PRUNE2: variants seen among roughly 807,000 people sequenced by gnomAD.
The protein encoded by PRUNE2 is protein prune homolog 2.
A neutral mutation model predicts 252.0 loss-of-function variants in PRUNE2; 164 were observed. That is an observed-to-expected ratio of 0.65 (90% CI 0.57 to 0.74). The LOEUF is 0.74. Among genes scored for constraint, PRUNE2 ranks in the 30% least tolerant of loss-of-function variants. PRUNE2 has a pLI of 0.00. For missense variants in PRUNE2, 3,495 were observed against 3,711.0 expected (o/e 0.94, Z 1.51); for synonymous variants, 1,292 against 1,350.2 (o/e 0.96, Z 0.94).
At chr9:76,622,365 C>A (rs572529541) in intron 17 of PRUNE2, among the ~76,000 whole-genome samples, 24 of 151,980 alleles carry the variant, frequency 1.6e-4, no homozygotes, top group Non-Finnish European at 3.2e-4. Flanking sequence ...AATCATTTTA[C>A]TGTGGCAGCT....
intron 9 of PRUNE2, among the ~76,000 whole-genome samples, chr9:76,666,801 C>A (rs1391727030): frequency 1.3e-5 from 2 of 152,182 alleles, no homozygotes; most frequent in African/African-American, 4.8e-5. Context: ...CGTCTCCGCA[C>A]ACAGGGAGAA....
At chr9:76,885,127 AG>A (rs1166837039) in intron 1 of PRUNE2, among the ~76,000 whole-genome samples, 2 of 151,574 alleles carry the variant, frequency 1.3e-5, no homozygotes, top group African/African-American at 4.9e-5. Flanking sequence ...TGCAGAATAA[AG>A]GGGGAAAAAA....
intron 1 of PRUNE2, among the ~76,000 whole-genome samples, chr9:76,871,981 A>C (rs1252893370): frequency 2.6e-5 from 4 of 152,224 alleles, no homozygotes; most frequent in African/African-American, 4.8e-5. Context: ...ATTGTAAAAA[A>C]TGAAAATAGT....
At chr9:76,826,533 C>G in intron 5 of PRUNE2, 47 bp downstream of exon 5, 7 of 1,408,350 alleles carry the variant, frequency 5.0e-6, no homozygotes, top group Non-Finnish European at 6.7e-6. Flanking sequence ...TGCCACAAAC[C>G]ATCCCTACTC....
rs557352 is a variant in PRUNE2, at chr9:76,709,825, T to C, written c.2449A>G (p.Asn817Asp). 921,176 of 1,613,244 alleles carry C rather than the reference T, an allele frequency of 0.57. 267,173 individuals carry two copies. Among genetic ancestry groups the C allele is most frequent in the Middle Eastern group, 0.71 (4,313 of 6,060 alleles). Residue 817 changes from asparagine (N) to aspartate (D), a missense_variant, in exon 8 of 19, where the codon AAT becomes GAT. By Grantham distance (23) the Asn-to-Asp change is conservative. Transcript: ENST00000376718. ...GTCTTGCTGCTTGTTGGGTGCAAAT[T>C]CCAGGTATTTTTTAAAGCTTCATCA... ...DHDEALKNTW[N>D]LHPTSSKTPS...
intron 4 of PRUNE2, among the ~76,000 whole-genome samples, chr9:76,830,381 G>A (rs563007607): frequency 2.6e-4 from 39 of 152,218 alleles, no homozygotes; most frequent in African/African-American, 6.3e-4. Context: ...GGTTGGGCAC[G>A]GTGGCTCACA....
intron 13 of PRUNE2, 35 bp downstream of exon 13, chr9:76,638,151 T>C: frequency 7.4e-7 from 1 of 1,353,276 alleles, no homozygotes; most frequent in East Asian, 2.3e-5. Context: ...GCCACAGACA[T>C]TAACTCAAAG....
Position 76,624,473 on chromosome 9 carries a change from C to T in PRUNE2, c.9167G>A (p.Arg3056Lys). ...ESIIKLDEELREASEAAKTSC... is the reference protein window; with the variant it reads ...ESIIKLDEELKEASEAAKTSC... ...TTACTTAGCTGCCTCTGATGCTTCC[C>T]TCAGTTCTTCATCCAGTCTGCAGGA... Residue 3056 changes from arginine to lysine, a missense_variant, in exon 17 of 19, where the codon AGG (arginine) becomes AAG (lysine). Transcript: ENST00000376718. 2 of 1,432,590 alleles carry T rather than the reference C, an allele frequency of 1.4e-6. No homozygotes were observed. Among genetic ancestry groups the T allele is most frequent in the East Asian group, 2.6e-5 (1 of 38,302 alleles). The allele number at this position is 1,432,590 out of a possible 1,614,324, so 88.7% of individuals were successfully genotyped here.
At chr9:76,665,844 C>T (rs1029650328) in intron 9 of PRUNE2, among the ~76,000 whole-genome samples, 10 of 147,950 alleles carry the variant, frequency 6.8e-5, no homozygotes, top group South Asian at 2.1e-4. Context: ...GATCTGTGGG[C>T]GGCAAGCCAC....
At chr9:76,799,286 G>A (rs2056369106) in intron 6 of PRUNE2, among the ~76,000 whole-genome samples, 2 of 151,358 alleles carry the variant, frequency 1.3e-5, no homozygotes, top group South Asian at 4.2e-4. Context: ...GGTTGCAGTG[G>A]GCCAAAATGG....
chr9:76,707,378 A>G lies in PRUNE2; in HGVS notation c.4896T>C (p.Asp1632=), dbSNP rs11145015. The change falls in exon 8 of 19, where the codon GAT becomes GAC. Residue 1632 remains aspartate (D), a synonymous_variant. Coordinates refer to ENST00000376718, the MANE Select transcript of PRUNE2 (RefSeq NM_015225.3). ...CAGGACTGGATAAAGAGGAAAAGGA[A>G]TCACCATCAACTGAGTCATTCCAGA... ...LEIWNDSVDG[D]SFSSLSSPET... is the part of the protein sequence containing the mutation. The G allele has an allele frequency of 0.027, 42,954 of 1,613,912 alleles. 782 individuals carry two copies. Among genetic ancestry groups the G allele is most frequent in the African/African-American group, 0.089 (6,694 of 75,034 alleles).
At chr9:76,777,159 G>C (rs920579973) in intron 6 of PRUNE2, among the ~76,000 whole-genome samples, 43 of 152,202 alleles carry the variant, frequency 2.8e-4, no homozygotes, top group African/African-American at 1.0e-3. Context: ...GGCAGAGAAG[G>C]GAAGAAATGC....
intron 9 of PRUNE2, among the ~76,000 whole-genome samples, chr9:76,693,979 A>T (rs1232713290): frequency 6.6e-6 from 1 of 152,128 alleles, no homozygotes; most frequent in East Asian, 1.9e-4. Flanking sequence ...GAATTTTCCC[A>T]AATCATTAGG....
At chr9:76,699,422 CT>C in intron 9 of PRUNE2, among the ~76,000 whole-genome samples, 1 of 152,104 alleles carries the variant, frequency 6.6e-6, no homozygotes, top group Admixed American at 6.5e-5. Flanking sequence ...AATAGGCAGA[CT>C]TTGAGTAAAG....
Position 76,710,516 on chromosome 9 carries a change from G to C in PRUNE2, c.1758C>G (p.Ser586Arg). Residue 586 changes from serine (S) to arginine (R), a missense_variant, in exon 8 of 19, where the codon AGC becomes AGG. Transcript: ENST00000376718. The part of the protein sequence containing the change: ...SPRDNSERNL[S>R]LTDFVGDESP... ...ATTCATCTCCCACAAAATCTGTCAG[G>C]CTCAAATTTCTTTCAGAGTTATCTC... 1 of 1,613,902 alleles carries C rather than the reference G, an allele frequency of 6.2e-7. No individual in the cohort carries two copies. The highest frequency in any genetic ancestry group is 1.1e-5 in the South Asian group (1 of 91,080).
intron 6 of PRUNE2, among the ~76,000 whole-genome samples, chr9:76,818,443 C>T (rs939416693): frequency 1.3e-4 from 20 of 152,086 alleles, no homozygotes; most frequent in African/African-American, 4.6e-4. Context: ...TTAGTATTTT[C>T]CCCTGGGCAG....
At chr9:76,804,633 G>A (rs1184447915) in intron 6 of PRUNE2, among the ~76,000 whole-genome samples, 1 of 152,122 alleles carries the variant, frequency 6.6e-6, no homozygotes, top group Admixed American at 6.6e-5. Context: ...GGACAGCATT[G>A]AGTTTCTTCT....
intron 1 of PRUNE2, among the ~76,000 whole-genome samples, chr9:76,861,951 C>T (rs2060575883): frequency 6.6e-6 from 1 of 152,194 alleles, no homozygotes; most frequent in African/African-American, 2.4e-5. Context: ...AATTGTCCTG[C>T]ATAGCCTCCT....
At chr9:76,692,293 T>C in intron 9 of PRUNE2, 2 of 620,174 alleles carry the variant, frequency 3.2e-6, no homozygotes, top group Non-Finnish European at 2.9e-6. Context: ...CTGTGCTGAG[T>C]TTCATTTGGG....
Sources: gnomAD v4.1 joint callset for allele counts (sites outside exome capture counted in the v4.1 genomes callset) on GRCh38, gnomAD v4.1.1 for gene constraint, MANE v1.5 for transcripts, NCBI Gene and HGNC (gene_info 2026-07-23, HGNC 2026-07-21) for gene names.